ERMAP: variants seen among roughly 807,000 people sequenced by gnomAD.
ERMAP encodes erythroblast membrane associated protein (Scianna blood group).
ERMAP carries 34 observed loss-of-function variants against 49.5 expected under a neutral mutation model. That is an observed-to-expected ratio of 0.69 (90% CI 0.52 to 0.91). ERMAP has a LOEUF of 0.91. ERMAP is among the 40% of genes least tolerant of loss of function. ERMAP has a pLI of 0.00. For synonymous variants in ERMAP, 214 were observed against 232.2 expected (o/e 0.92, Z 0.71); for missense variants, 541 against 582.6 (o/e 0.93, Z 0.74).
chr1:42,835,261 G>A, intron 5 of ERMAP, 107 bp downstream of exon 5: 2 of 712,814 alleles, frequency 2.8e-6, no homozygotes, highest in South Asian at 3.2e-5. Context: ...TCCATAGGTT[G>A]GGGACACTGC....
rs201419224 is a variant in ERMAP, at chr1:42,830,866, G to T, written c.184G>T (p.Glu62Ter). 2.5e-6 allele frequency: 4 copies of T among 1,612,264 alleles called. No homozygotes were observed. In the East Asian group the frequency reaches 8.9e-5, roughly 36 times the overall value. Residue 62 changes from glutamate to a stop codon, truncating the protein, a stop_gained, in exon 4 of 12, where the codon GAG becomes TAG. Transcript: ENST00000372517. LOFTEE classifies it high-confidence loss of function. ...LSLWPGTVPK[E>*]VRWLRSPFPQ... ...CCTCTGGCCCGGGACGGTACCCAAG[G>T]AGGTGAGGTGGCTGCGGTCCCCATT...
In ERMAP at chr1:42,844,068, C is replaced by G. The variant is rs1367838831; in HGVS notation, c.*836C>G. ...TTATGAATCAATCTGTTGTGCCAAC[C>G]CTTTCTGAGATTCAGAGAGGTCCAG... On this transcript the variant is annotated 3_prime_UTR_variant, in exon 12 of 12. Transcript: ENST00000372517. The surrounding 1 kb of genome is among the most constrained non-coding windows in gnomAD (Gnocchi z 4.0). 1.8e-5 allele frequency: 7 copies of G among 398,462 alleles called. No individual in the cohort carries two copies. In the Admixed American group the frequency reaches 2.6e-4, roughly 15 times the overall value. 24.7% of individuals were successfully genotyped at this position (398,462 alleles called of 1,614,324 possible). A position where few individuals can be genotyped will look rare whatever the true frequency, so the allele number is the denominator to read the frequency against.
At chr1:42,838,216 C>T (rs1177422655) in intron 7 of ERMAP, among the ~76,000 whole-genome samples, 2 of 152,154 alleles carry the variant, frequency 1.3e-5, no homozygotes, top group Non-Finnish European at 2.9e-5. Context: ...AACAATAAAC[C>T]ATAAGCTCCT....
intron 4 of ERMAP, among the ~76,000 whole-genome samples, chr1:42,831,584 T>C (rs1214865057): frequency 0.011 from 1,541 of 144,316 alleles, 51 homozygotes; most frequent in African/African-American, 0.037. Flanking sequence ...TCTTTTTTTT[T>C]TTTTTTTTTT....
chr1:42,826,009 C>T (rs1654535285), intron 2 of ERMAP, among the ~76,000 whole-genome samples: 2 of 152,136 alleles, frequency 1.3e-5, no homozygotes, highest in South Asian at 2.1e-4. Context: ...ATTTGCTGGA[C>T]GCTGTGCTGT....
intron 5 of ERMAP, 113 bp downstream of exon 5, chr1:42,835,267 A>C (rs956395878): frequency 2.9e-6 from 2 of 696,506 alleles, no homozygotes; most frequent in Non-Finnish European, 5.3e-6. Flanking sequence ...GGTTGGGGAC[A>C]CTGCAAGTTG....
chr1:42,830,850 C>T lies in ERMAP; in HGVS notation c.168C>T (p.Pro56=), dbSNP rs758771948. 89 of 1,606,602 alleles carry T rather than the reference C, an allele frequency of 5.5e-5. 1 individual carries two copies. The Middle Eastern group carries it at 9.9e-4, about 18-fold the overall frequency. The change falls in exon 4 of 12, where the codon CCC becomes CCT. Residue 56 remains proline, a synonymous_variant. Coordinates refer to ENST00000372517, the MANE Select transcript of ERMAP (RefSeq NM_001017922.2). ...TGCTCTGCCCTCTCTCCCTCTGGCCCGGGACGGTACCCAAGGAGGTGAGGT... is the reference window on the plus strand; with the variant it reads ...TGCTCTGCCCTCTCTCCCTCTGGCCTGGGACGGTACCCAAGGAGGTGAGGT... The part of the protein sequence containing the change: ...AELLCPLSLW[P]GTVPKEVRWL...
In ERMAP at chr1:42,831,202, T is replaced by G. The variant is rs1027112664; in HGVS notation, c.433+87T>G. 3 of 1,459,482 alleles carry G rather than the reference T, an allele frequency of 2.1e-6. No homozygotes were observed. In the African/African-American group the frequency reaches 4.2e-5, roughly 21 times the overall value. 90.4% of individuals were successfully genotyped at this position (1,459,482 alleles called of 1,614,324 possible). On this transcript the variant is annotated intron_variant, in intron 4 of 11. Transcript: ENST00000372517. Reference sequence around the variant, plus strand: ...CTACTTTGTCTCTCCATGTCTAGACTTTTCTTTCATCTGCAGTGTAGTTTT... The same window carrying G: ...CTACTTTGTCTCTCCATGTCTAGACGTTTCTTTCATCTGCAGTGTAGTTTT...
At chr1:42,831,558 T>TG (rs1654732900) in intron 4 of ERMAP, among the ~76,000 whole-genome samples, 1 of 45,784 alleles carries the variant, frequency 2.2e-5, no homozygotes, top group East Asian at 6.6e-3. Flanking sequence ...AGATAGTGTT[T>TG]TTTTTTTTTT....
At chr1:42,837,851 T>G (rs907204544) in intron 7 of ERMAP, 2 of 152,470 alleles carry the variant, frequency 1.3e-5, no homozygotes, top group Admixed American at 6.5e-5. Context: ...GACTCCAGAT[T>G]CAATGATGTC....
In ERMAP at chr1:42,842,651, C is replaced by G; in HGVS notation, c.847C>G (p.Leu283Val). ...PQRFDFVVSILGSEYFTTGCH... is the reference protein window; with the variant it reads ...PQRFDFVVSIVGSEYFTTGCH... ...GAGATTTGATTTCGTTGTCAGCATC[C>G]TAGGCTCTGAGTACTTCACGACTGG... The change falls in exon 12 of 12, where the codon CTA (leucine) becomes GTA (valine). Residue 283 changes from leucine to valine, a missense_variant. Leu to Val is a conservative substitution (Grantham distance 32). Transcript: ENST00000372517. The G allele has an allele frequency of 6.2e-7, 1 of 1,614,164 alleles. No individual in the cohort carries two copies. Among genetic ancestry groups the G allele is most frequent in the South Asian group, 1.1e-5 (1 of 91,074 alleles).
intron 3 of ERMAP, 37 bp from the exon 4 acceptor site, chr1:42,830,731 G>T: frequency 2.7e-6 from 4 of 1,489,686 alleles, no homozygotes; most frequent in Non-Finnish European, 3.6e-6. Flanking sequence ...TTCTCCTGCC[G>T]TCCCTCCCAG....
Position 42,819,316 on chromosome 1 carries a change from C to T in ERMAP, c.-122+2063C>T, listed in dbSNP as rs139625359. On this transcript the variant is annotated intron_variant, in intron 1 of 11. Coordinates refer to ENST00000372517, the MANE Select transcript of ERMAP (RefSeq NM_001017922.2). The surrounding 1 kb of genome is among the most constrained non-coding windows in gnomAD (Gnocchi z 5.1). ...GCAATTAGAAGATTTCAGAAAAGAA[C>T]GGAACTGGAGATACCAGTTTGGGAT... Among the ~76,000 whole-genome samples, 2 of 152,110 alleles carry T rather than the reference C, an allele frequency of 1.3e-5. No homozygotes were observed. Among genetic ancestry groups the T allele is most frequent in the African/African-American group, 2.4e-5 (1 of 41,502 alleles).
At chr1:42,820,803 T>G (rs1654385317) in intron 1 of ERMAP, among the ~76,000 whole-genome samples, 2 of 152,224 alleles carry the variant, frequency 1.3e-5, no homozygotes, top group Non-Finnish European at 2.9e-5. Flanking sequence ...TCCTAGATTG[T>G]CTCTGTTGTT....
intron 4 of ERMAP, 110 bp from the exon 5 acceptor site, chr1:42,834,928 C>T (rs979122770): frequency 1.4e-6 from 1 of 720,622 alleles, no homozygotes; most frequent in Non-Finnish European, 2.6e-6. Flanking sequence ...AGCTCTCTCC[C>T]TAGAGGTGAT....
intron 7 of ERMAP, 133 bp from the exon 8 acceptor site, chr1:42,838,768 G>A (rs541884139): frequency 1.3e-5 from 18 of 1,395,506 alleles, no homozygotes; most frequent in Middle Eastern, 3.7e-4. Flanking sequence ...TCTGGGACAC[G>A]GAGCTGGACT....
Position 42,842,766 on chromosome 1 carries a change from C to T in ERMAP, c.962C>T (p.Thr321Ile), listed in dbSNP as rs780870456. The change falls in exon 12 of 12, where the codon ACT (threonine) becomes ATT (isoleucine). Residue 321 changes from threonine to isoleucine, a missense_variant. Thr to Ile is a moderately conservative substitution (Grantham distance 89). Coordinates refer to ENST00000372517, the MANE Select transcript of ERMAP (RefSeq NM_001017922.2). ...TCAGTGAGCAGGAAGGGGAAGGTTA[C>T]TGCCTCACCTGCCAATGGACACTGG... ...SESVSRKGKV[T>I]ASPANGHWLL... 3 of 1,614,170 alleles carry T rather than the reference C, an allele frequency of 1.9e-6. No homozygotes were observed. The highest frequency in any genetic ancestry group is 2.5e-6 in the Non-Finnish European group (3 of 1,180,022).
intron 3 of ERMAP, 58 bp from the exon 4 acceptor site, chr1:42,830,710 C>A (rs1178319572): frequency 2.0e-6 from 3 of 1,470,378 alleles, no homozygotes; most frequent in Non-Finnish European, 1.8e-6. Context: ...TTCCTCATCC[C>A]TTCCCAAGCT....
chr1:42,844,009 A>G lies in ERMAP; in HGVS notation c.*777A>G. The stretch of plus-strand genomic sequence containing the variant: ...CCCTCTGACCTTGGCCCAGACCTTC[A>G]GAGGCTCAGTCTGTTGAGTCTGTTG... On this transcript the variant is annotated 3_prime_UTR_variant, in exon 12 of 12. Coordinates refer to ENST00000372517, the MANE Select transcript of ERMAP (RefSeq NM_001017922.2). This position sits in a 1 kb window ranked among gnomAD's most constrained non-coding sequence, Gnocchi z 4.0. 2.5e-6 allele frequency: 1 copy of G among 398,544 alleles called. No individual in the cohort carries two copies. The highest frequency in any genetic ancestry group is 4.4e-6 in the Non-Finnish European group (1 of 226,030). The allele number at this position is 398,544 out of a possible 1,614,324, so 24.7% of individuals were successfully genotyped here.
Sources: gnomAD v4.1 joint callset for allele counts (sites outside exome capture counted in the v4.1 genomes callset) on GRCh38, gnomAD v4.1.1 for gene constraint, Gnocchi (gnomAD v3.1) non-coding constraint, MANE v1.5 for transcripts, NCBI Gene and HGNC (gene_info 2026-07-23, HGNC 2026-07-21) for gene names.